SCARA5: variants seen among roughly 807,000 people sequenced by gnomAD.
SCARA5 encodes scavenger receptor class A, member 5 (putative).
Under a neutral mutation model 46.3 loss-of-function variants are expected in SCARA5, and 45 were observed. That is an observed-to-expected ratio of 0.97 (90% CI 0.76 to 1.24). The LOEUF is 1.24. SCARA5 is among the 50% of genes most tolerant of loss of function. The pLI is 0.00. For missense variants in SCARA5, 680 were observed against 689.0 expected (o/e 0.99, Z 0.15); for synonymous variants, 333 against 306.5 (o/e 1.09, Z -0.90).
intron 4 of SCARA5, among the ~76,000 whole-genome samples, chr8:27,915,228 A>G (rs1008146266): frequency 6.6e-6 from 1 of 152,098 alleles, no homozygotes; most frequent in Non-Finnish European, 1.5e-5. Flanking sequence ...GACCCTGAGA[A>G]GTGGACAAGG....
At chr8:27,880,368 TTAAAC>T (rs927343050) in intron 7 of SCARA5, among the ~76,000 whole-genome samples, 1 of 146,186 alleles carries the variant, frequency 6.8e-6, no homozygotes, top group African/African-American at 2.6e-5. Context: ...TGGGAACTAA[TTAAAC>T]TAAAGAGCTT....
At chr8:27,966,367 T>A (rs1342342946) in intron 3 of SCARA5, 47 bp downstream of exon 3, 1 of 1,548,912 alleles carries the variant, frequency 6.5e-7, no homozygotes, top group Non-Finnish European at 8.7e-7. Context: ...GCTCCAGGTC[T>A]TCCTTCCTCA....
At chr8:27,920,127 T>C (rs1807559683) in intron 4 of SCARA5, among the ~76,000 whole-genome samples, 1 of 151,964 alleles carries the variant, frequency 6.6e-6, no homozygotes, top group Admixed American at 6.6e-5. Context: ...CTATCATTTG[T>C]GGGCCCACAG....
Position 27,907,219 on chromosome 8 carries a change from C to A in SCARA5, c.1025G>T (p.Gly342Val). 6.2e-7 allele frequency: 1 copy of A among 1,613,612 alleles called. No homozygotes were observed. The highest frequency in any genetic ancestry group is 8.5e-7 in the Non-Finnish European group (1 of 1,179,770). The stretch of plus-strand genomic sequence containing the variant: ...ATCATCGCCCTTGGGCCCGGGCAAT[C>A]CTGGGGTACCTCTCTCCCCGGGCAG... ...RGLPGERGTP[G>V]LPGPKGDDGK... is the part of the protein sequence containing the mutation. The change falls in exon 6 of 9, where the codon GGA (glycine) becomes GTA (valine). Residue 342 changes from glycine to valine, a missense_variant. Gly to Val is a moderately radical substitution (Grantham distance 109, BLOSUM62 -3). Transcript: ENST00000354914.
intron 8 of SCARA5, among the ~76,000 whole-genome samples, chr8:27,873,568 A>G (rs1283144721): frequency 2.0e-5 from 3 of 150,244 alleles, no homozygotes; most frequent in African/African-American, 7.4e-5. Flanking sequence ...ACCAGAGAAC[A>G]ACCCCCTTTA....
intron 8 of SCARA5, 63 bp from the exon 9 acceptor site, chr8:27,872,133 A>T (rs911713840): frequency 7.0e-5 from 111 of 1,576,426 alleles, no homozygotes; most frequent in Non-Finnish European, 9.1e-5. Context: ...GAGAAGAGAG[A>T]GCATAACTGT....
intron 4 of SCARA5, among the ~76,000 whole-genome samples, chr8:27,921,195 A>C (rs575598705): frequency 6.6e-6 from 1 of 152,298 alleles, no homozygotes; most frequent in South Asian, 2.1e-4. Flanking sequence ...TCCCGGCCTG[A>C]GCCAGTTGTT....
At chr8:27,989,843 C>T (rs1156540722) in intron 1 of SCARA5, among the ~76,000 whole-genome samples, 6 of 152,364 alleles carry the variant, frequency 3.9e-5, no homozygotes, top group Admixed American at 3.9e-4. Context: ...GCAGCTCCAG[C>T]ACTGCTAAGT....
chr8:27,961,848 T>C (rs933821512), intron 3 of SCARA5, among the ~76,000 whole-genome samples: 10 of 152,202 alleles, frequency 6.6e-5, no homozygotes, highest in African/African-American at 2.2e-4. Context: ...CTCAATTAGG[T>C]ACTTGGTTAA....
At chr8:27,881,809 A>G (rs1806817272) in intron 7 of SCARA5, among the ~76,000 whole-genome samples, 2 of 152,150 alleles carry the variant, frequency 1.3e-5, no homozygotes, top group Admixed American at 6.5e-5. Context: ...AGCCTCCCCC[A>G]TTATCAACAT....
intron 3 of SCARA5, among the ~76,000 whole-genome samples, chr8:27,940,133 C>T (rs1336916230): frequency 6.6e-6 from 1 of 152,202 alleles, no homozygotes; most frequent in Non-Finnish European, 1.5e-5. Context: ...ACATAGCTTT[C>T]GGTTGGAGCA....
At chr8:27,939,200 T>A (rs935103447) in intron 3 of SCARA5, among the ~76,000 whole-genome samples, 54 of 152,232 alleles carry the variant, frequency 3.5e-4, no homozygotes, top group African/African-American at 1.2e-3. Context: ...ATTAAATGTA[T>A]ATGACAGGGA....
At chr8:27,917,884 A>C (rs1807487966) in intron 4 of SCARA5, among the ~76,000 whole-genome samples, 1 of 152,222 alleles carries the variant, frequency 6.6e-6, no homozygotes, top group African/African-American at 2.4e-5. Flanking sequence ...TTGGAAGAAG[A>C]AATTCTACCT....
At chr8:27,910,848 A>C (rs1209275391) in intron 4 of SCARA5, among the ~76,000 whole-genome samples, 1 of 152,208 alleles carries the variant, frequency 6.6e-6, no homozygotes, top group Non-Finnish European at 1.5e-5. Flanking sequence ...GCTGCCCTCC[A>C]GGCTGGGTCT....
chr8:27,946,852 C>T (rs770996818), intron 3 of SCARA5, among the ~76,000 whole-genome samples: 50 of 152,098 alleles, frequency 3.3e-4, no homozygotes, highest in Non-Finnish European at 7.4e-5. Flanking sequence ...AACAACCCAC[C>T]CCTCCCTGAT....
chr8:27,968,472 C>G (rs58732749), intron 2 of SCARA5, among the ~76,000 whole-genome samples: 28,718 of 152,118 alleles, frequency 0.19, 2,894 homozygotes, highest in East Asian at 0.42. Context: ...ATACACTAGG[C>G]TCTACAAAGG....
At chr8:27,898,369 C>T (rs997383287) in intron 7 of SCARA5, among the ~76,000 whole-genome samples, 1 of 152,192 alleles carries the variant, frequency 6.6e-6, no homozygotes, top group Non-Finnish European at 1.5e-5. Context: ...GGCCAGATCC[C>T]ATCCTCTGCA....
chr8:27,904,556 C>T (rs1002579226), intron 7 of SCARA5: 5 of 610,014 alleles, frequency 8.2e-6, no homozygotes, highest in East Asian at 2.6e-5. Context: ...TGCACACAAC[C>T]GCCAGGTTTA....
At chr8:27,882,482 G>A (rs2129678648) in intron 7 of SCARA5, among the ~76,000 whole-genome samples, 1 of 152,322 alleles carries the variant, frequency 6.6e-6, no homozygotes, top group East Asian at 1.9e-4. Flanking sequence ...CTAGGGAGGA[G>A]GGTGTAGGAG....
Sources: gnomAD v4.1 joint callset for allele counts (sites outside exome capture counted in the v4.1 genomes callset) on GRCh38, gnomAD v4.1.1 for gene constraint, MANE v1.5 for transcripts, NCBI Gene and HGNC (gene_info 2026-07-23, HGNC 2026-07-21) for gene names.